Variants in ESS2 observed in about 807,000 individuals in gnomAD.
ESS2 encodes the protein splicing factor ESS-2 homolog.
In ESS2, 31 loss-of-function variants were observed where a neutral mutation model predicts 52.0. That is an observed-to-expected ratio of 0.60 (90% CI 0.45 to 0.81). The LOEUF is 0.81. ESS2 is among the 30% of genes least tolerant of loss of function. The pLI, the probability that ESS2 is intolerant of heterozygous loss-of-function variation, is 0.00. For missense variants in ESS2, 602 were observed against 637.2 expected (o/e 0.94, Z 0.59); for synonymous variants, 285 against 259.2 (o/e 1.10, Z -0.95).
intron 1 of ESS2, chr22:19,143,916 A>C: frequency 2.7e-6 from 1 of 365,164 alleles, no homozygotes; most frequent in Non-Finnish European, 3.8e-6. Flanking sequence ...TCACTACCAC[A>C]AGTTGAGATT....
chr22:19,134,194 C>A lies in ESS2; in HGVS notation c.*2G>T, dbSNP rs754479778. 6.6e-7 allele frequency: 1 copy of A among 1,509,530 alleles called. No individual in the cohort carries two copies. Among genetic ancestry groups the A allele is most frequent in the Non-Finnish European group, 8.9e-7 (1 of 1,127,768 alleles). The allele number at this position is 1,509,530 out of a possible 1,614,324, so 93.5% of individuals were successfully genotyped here. On this transcript the variant is annotated 3_prime_UTR_variant, in exon 10 of 10. Coordinates refer to ENST00000252137, the MANE Select transcript of ESS2 (RefSeq NM_022719.3). ...GTCTATGAGCCCAGCCCAGGCCTGG[C>A]TCTAAAAGAAGTCCGAAGCTTTGCG...
chr22:19,144,610 A>C lies in ESS2; in HGVS notation c.31T>G (p.Leu11Val). 1.3e-6 allele frequency: 2 copies of C among 1,581,134 alleles called. No homozygotes were observed. The highest frequency in any genetic ancestry group is 1.7e-6 in the Non-Finnish European group (2 of 1,162,264). ...GGCCTGGACGCGGCGGGAAGCAACAAGGACGACGCTGATGCGCCCGGCGTC... is the reference window on the plus strand; with the variant it reads ...GGCCTGGACGCGGCGGGAAGCAACACGGACGACGCTGATGCGCCCGGCGTC... The part of the protein sequence containing the change: METPGASASS[L>V]LLPAASRPPR... The change falls in exon 1 of 10, where the codon TTG (leucine) becomes GTG (valine). Residue 11 changes from leucine to valine, a missense_variant. Coordinates refer to ENST00000252137, the MANE Select transcript of ESS2 (RefSeq NM_022719.3).
rs973197084 is a variant in ESS2, at chr22:19,132,595, T to C, written c.*1601A>G. On this transcript the variant is annotated 3_prime_UTR_variant, in exon 10 of 10. Transcript: ENST00000252137. The surrounding 1 kb of genome is among the most constrained non-coding windows in gnomAD (Gnocchi z 4.2). ...GAAGAAGGCACAGGTGCAAGTAAAATTCGTCAATTAAACCACTATTTTGAT... is the reference window on the plus strand; with the variant it reads ...GAAGAAGGCACAGGTGCAAGTAAAACTCGTCAATTAAACCACTATTTTGAT... 1.8e-5 allele frequency: 19 copies of C among 1,047,958 alleles called. No homozygotes were observed. The African/African-American group carries it at 2.7e-4, about 15-fold the overall frequency. 64.9% of individuals were successfully genotyped at this position (1,047,958 alleles called of 1,614,324 possible).
At chr22:19,142,439 T>G in intron 3 of ESS2, 99 bp downstream of exon 3, 1 of 1,064,690 alleles carries the variant, frequency 9.4e-7, no homozygotes, top group Non-Finnish European at 1.4e-6. Context: ...AGGAACAAGA[T>G]GTGGCCTGCA....
rs2298274 is a variant in ESS2, at chr22:19,144,548, C to T, written c.93G>A (p.Ala31=). The change falls in exon 1 of 10, where the codon GCG becomes GCA. Residue 31 remains alanine, a synonymous_variant. Coordinates refer to ENST00000252137, the MANE Select transcript of ESS2 (RefSeq NM_022719.3). ...CGTCCAGGACCCGCTGCTTGCTCGTCGCAGCCCCAGCCTCTCCCGCCTCGC... is the reference window on the plus strand; with the variant it reads ...CGTCCAGGACCCGCTGCTTGCTCGTTGCAGCCCCAGCCTCTCCCGCCTCGC... ...RKREAGEAGA[A]TSKQRVLDEE... is the part of the protein sequence containing the mutation. 92,016 of 1,608,684 alleles carry T rather than the reference C, an allele frequency of 0.057. 3,003 individuals are homozygous for T. The highest frequency in any genetic ancestry group is 0.14 in the East Asian group (6,001 of 44,154).
rs553471483 is a variant in ESS2 at position 19,136,503 on chromosome 22, T to G, written c.1035+820A>C. Among the ~76,000 whole-genome samples, 46 of 152,326 alleles carry G rather than the reference T, an allele frequency of 3.0e-4. No individual in the cohort carries two copies. The East Asian group carries it at 8.5e-3, about 28-fold the overall frequency. ...CCCAGCTCCCTTCATTTCTAAATAC[T>G]CTGCTATTCAGTGCAATCTGAGTTG... On this transcript the variant is annotated intron_variant, in intron 8 of 9. Transcript: ENST00000252137.
In ESS2 at chr22:19,137,479, C is replaced by G. The variant is rs779470660; in HGVS notation, c.926-47G>C. On this transcript the variant is annotated intron_variant, in intron 7 of 9. Transcript: ENST00000252137. ...CCACCTCAGGCCAGAGGACTCCCCA[C>G]CACCCTCCCCTCCAGTCACAGCTTG... 3.6e-6 allele frequency: 5 copies of G among 1,382,428 alleles called. No individual in the cohort carries two copies. In the Admixed American group the frequency reaches 9.7e-5, roughly 27 times the overall value. The allele number at this position is 1,382,428 out of a possible 1,614,324, so 85.6% of individuals were successfully genotyped here.
At chr22:19,139,829 T>C in intron 4 of ESS2, 26 bp downstream of exon 4, 1 of 1,613,920 alleles carries the variant, frequency 6.2e-7, no homozygotes. Flanking sequence ...CCTACGCCTA[T>C]GTGACACCCC....
At chr22:19,139,485 T>C (rs2083644952) in intron 5 of ESS2, 127 bp downstream of exon 5, 8 of 1,229,384 alleles carry the variant, frequency 6.5e-6, no homozygotes, top group Non-Finnish European at 9.4e-6. Flanking sequence ...GACAGACCAG[T>C]ACCCATCAGA....
chr22:19,133,176 A>G lies in ESS2; in HGVS notation c.*1020T>C, dbSNP rs1156750883. On this transcript the variant is annotated 3_prime_UTR_variant, in exon 10 of 10. Coordinates refer to ENST00000252137, the MANE Select transcript of ESS2 (RefSeq NM_022719.3). ...CTGCTCAGCAGCCCTTGATGATGGC[A>G]CACTGGCCGGTCTTTTGTGCTTCCT... 1 of 152,168 alleles carries G rather than the reference A, an allele frequency of 6.6e-6. No homozygotes were observed. The highest frequency in any genetic ancestry group is 1.5e-5 in the Non-Finnish European group (1 of 68,058). 9.4% of individuals were successfully genotyped at this position (152,168 alleles called of 1,614,324 possible). A position where few individuals can be genotyped will look rare whatever the true frequency, so the allele number is the denominator to read the frequency against.
Position 19,131,825 on chromosome 22 carries a change from T to A in ESS2, c.*2371A>T. 2 of 1,613,968 alleles carry A rather than the reference T, an allele frequency of 1.2e-6. No homozygotes were observed. The highest frequency in any genetic ancestry group is 8.5e-7 in the Non-Finnish European group (1 of 1,180,006). On this transcript the variant is annotated 3_prime_UTR_variant, in exon 10 of 10. Transcript: ENST00000252137. The surrounding 1 kb of genome is among the most constrained non-coding windows in gnomAD (Gnocchi z 5.7). ...ACCGGGACCTCAAGTGCGAGAACCTTCTCCTCGACAAGGACTTCAACATCA... is the reference window on the plus strand; with the variant it reads ...ACCGGGACCTCAAGTGCGAGAACCTACTCCTCGACAAGGACTTCAACATCA...
intron 8 of ESS2, among the ~76,000 whole-genome samples, chr22:19,136,130 G>C (rs2083577778): frequency 6.6e-6 from 1 of 151,748 alleles, no homozygotes; most frequent in South Asian, 2.1e-4. Context: ...ACGAGGTCAG[G>C]AGTTCGAAAC....
At position 19,131,273 on chromosome 22, in the gene ESS2, C is replaced by G. The variant is rs889937446; in HGVS notation, c.*2923G>C. ...CCGGAGACAATGCTGAGTGTTCCACCCCTGAGTCGAAGCCCAGCCCAGGGC... is the reference window on the plus strand; with the variant it reads ...CCGGAGACAATGCTGAGTGTTCCACGCCTGAGTCGAAGCCCAGCCCAGGGC... On this transcript the variant is annotated 3_prime_UTR_variant, in exon 10 of 10. Coordinates refer to ENST00000252137, the MANE Select transcript of ESS2 (RefSeq NM_022719.3). This position sits in a 1 kb window ranked among gnomAD's most constrained non-coding sequence, Gnocchi z 5.7. The G allele has an allele frequency of 1.3e-6, 1 of 748,264 alleles. No homozygotes were observed. Among genetic ancestry groups the G allele is most frequent in the Non-Finnish European group, 2.2e-6 (1 of 448,100 alleles). 46.4% of individuals were successfully genotyped at this position (748,264 alleles called of 1,614,324 possible). A position where few individuals can be genotyped will look rare whatever the true frequency, so the allele number is the denominator to read the frequency against.
intron 1 of ESS2, among the ~76,000 whole-genome samples, chr22:19,143,554 C>G (rs574273000): frequency 1.3e-5 from 2 of 152,196 alleles, no homozygotes; most frequent in Non-Finnish European, 2.9e-5. Context: ...CTTTCTATTT[C>G]CAATCTAAAC....
chr22:19,144,232 ACTC>A (rs2083745041), intron 1 of ESS2: 2 of 1,213,718 alleles, frequency 1.6e-6, no homozygotes, highest in Non-Finnish European at 2.1e-6. Context: ...AGTTTGTCAA[ACTC>A]CTACTCACAC....
At position 19,131,272 on chromosome 22, in the gene ESS2, C is replaced by T. The variant is rs1342823903; in HGVS notation, c.*2924G>A. 6 of 742,312 alleles carry T rather than the reference C, an allele frequency of 8.1e-6. No individual in the cohort carries two copies. The highest frequency in any genetic ancestry group is 1.8e-5 in the African/African-American group (1 of 56,764). 46.0% of individuals were successfully genotyped at this position (742,312 alleles called of 1,614,324 possible). A position where few individuals can be genotyped will look rare whatever the true frequency, so the allele number is the denominator to read the frequency against. On this transcript the variant is annotated 3_prime_UTR_variant, in exon 10 of 10. Transcript: ENST00000252137. This position sits in a 1 kb window ranked among gnomAD's most constrained non-coding sequence, Gnocchi z 5.7. The stretch of plus-strand genomic sequence containing the variant: ...CCCGGAGACAATGCTGAGTGTTCCA[C>T]CCCTGAGTCGAAGCCCAGCCCAGGG...
intron 7 of ESS2, among the ~76,000 whole-genome samples, 160 bp from the exon 8 acceptor site, chr22:19,137,592 C>A (rs1406881837): frequency 6.6e-6 from 1 of 152,198 alleles, no homozygotes. Flanking sequence ...GCACCTCCAT[C>A]CTCCGAAAGG....
At chr22:19,144,360 G>C (rs1312080758) in intron 1 of ESS2, 146 bp downstream of exon 1, 1 of 1,496,086 alleles carries the variant, frequency 6.7e-7, no homozygotes, top group Admixed American at 2.3e-5. Context: ...CCTCTGCCCT[G>C]TTTACTTGAC....
intron 4 of ESS2, 40 bp downstream of exon 4, chr22:19,139,815 G>A (rs377169476): frequency 6.6e-5 from 106 of 1,613,800 alleles, no homozygotes; most frequent in South Asian, 5.1e-4. Context: ...CACCACAGAG[G>A]GTGCCTACGC....
Sources: gnomAD v4.1 joint callset for allele counts (sites outside exome capture counted in the v4.1 genomes callset) on GRCh38, gnomAD v4.1.1 for gene constraint, Gnocchi (gnomAD v3.1) non-coding constraint, MANE v1.5 for transcripts, NCBI Gene and HGNC (gene_info 2026-07-23, HGNC 2026-07-21) for gene names.